AQP9: variants seen among roughly 807,000 people sequenced by gnomAD.
The protein encoded by AQP9 is aquaporin-9.
In AQP9, 19 loss-of-function variants were observed where a neutral mutation model predicts 23.8. The ratio of observed to expected loss-of-function variants is 0.80; its 90% CI spans 0.56 to 1.17. The LOEUF (loss-of-function observed/expected upper bound fraction) is 1.17, where lower values mean the gene tolerates loss of function less well. Among genes scored for constraint, AQP9 ranks in the 50% most tolerant of loss-of-function variants. AQP9 has a pLI of 0.00. For synonymous variants in AQP9, 153 were observed against 131.5 expected, an observed-to-expected ratio of 1.16 and a Z score of -1.12; for missense variants, 413 against 362.0, an observed-to-expected ratio of 1.14 and a Z score of -1.14.
chr15:58,175,376 C>T (rs1409699559), intron 4 of AQP9, among the ~76,000 whole-genome samples: 1 of 152,206 alleles, frequency 6.6e-6, no homozygotes, highest in East Asian at 1.9e-4. Context: ...GTGGAGGCCA[C>T]AAGAGAAGAT....
At chr15:58,171,379 A>C (rs1426957210) in intron 2 of AQP9, among the ~76,000 whole-genome samples, 1 of 152,064 alleles carries the variant, frequency 6.6e-6, no homozygotes, top group African/African-American at 2.4e-5. Context: ...GAGCCACTGC[A>C]CCTGGCCCCG....
intron 1 of AQP9, among the ~76,000 whole-genome samples, chr15:58,160,144 C>T (rs1442815778): frequency 6.6e-6 from 1 of 152,174 alleles, no homozygotes; most frequent in Non-Finnish European, 1.5e-5. Context: ...AAATGTTCCT[C>T]TTTCTCCACA....
In AQP9 at chr15:58,170,155, G is replaced by T. The variant is rs183333548; in HGVS notation, c.239-2913G>T. 6.4e-4 allele frequency among the ~76,000 whole-genome samples: 98 copies of T among 152,242 alleles called. 1 individual carries two copies. Among genetic ancestry groups the T allele is most frequent in the Non-Finnish European group, 1.1e-3 (78 of 68,028 alleles). On this transcript the variant is annotated intron_variant, in intron 2 of 5. Transcript: ENST00000219919. ...CAATACACTGCTCTGCCTTGTCCTT[G>T]TGATAAGCCAGGGTGACCACTCATC... is the stretch of plus-strand genomic sequence containing the variant.
Position 58,184,460 on chromosome 15 carries a change from G to T in AQP9, c.*325G>T. 1 of 228,210 alleles carries T rather than the reference G, an allele frequency of 4.4e-6. No homozygotes were observed. Among genetic ancestry groups the T allele is most frequent in the Non-Finnish European group, 8.6e-6 (1 of 116,758 alleles). 14.1% of individuals were successfully genotyped at this position (228,210 alleles called of 1,614,324 possible). A position where few individuals can be genotyped will look rare whatever the true frequency, so the allele number is the denominator to read the frequency against. ...CGGCATCTTGACGATAGTCCCATTTGGGTGGTTTCAGCTGCACTATCTGTA... is the reference window on the plus strand; with the variant it reads ...CGGCATCTTGACGATAGTCCCATTTTGGTGGTTTCAGCTGCACTATCTGTA... On this transcript the variant is annotated 3_prime_UTR_variant, in exon 6 of 6. Coordinates refer to ENST00000219919, the MANE Select transcript of AQP9 (RefSeq NM_020980.5).
Position 58,143,291 on chromosome 15 carries a change from G to A in AQP9, c.111+4615G>A, listed in dbSNP as rs117185822. Among the ~76,000 whole-genome samples the A allele has an allele frequency of 9.9e-3, 1,510 of 152,318 alleles. 9 individuals carry two copies. The highest frequency in any genetic ancestry group is 0.016 in the Non-Finnish European group (1,103 of 68,026). ...CTTAGATCCTTGCCTTGAAGCAAGAGTTTAAAGACTCGAGGCTGTCTTCTG... is the reference window on the plus strand; with the variant it reads ...CTTAGATCCTTGCCTTGAAGCAAGAATTTAAAGACTCGAGGCTGTCTTCTG... On this transcript the variant is annotated intron_variant, in intron 1 of 5. Transcript: ENST00000219919.
chr15:58,143,904 G>A (rs1470638512), intron 1 of AQP9, among the ~76,000 whole-genome samples: 1 of 152,150 alleles, frequency 6.6e-6, no homozygotes, highest in African/African-American at 2.4e-5. Flanking sequence ...AACTTTATGT[G>A]TATTATAAAA....
intron 1 of AQP9, among the ~76,000 whole-genome samples, chr15:58,159,136 C>T (rs930754411): frequency 6.6e-6 from 1 of 152,184 alleles, no homozygotes; most frequent in Admixed American, 6.5e-5. Flanking sequence ...AATCACTTCA[C>T]CATGTCGGGT....
intron 1 of AQP9, among the ~76,000 whole-genome samples, chr15:58,165,497 T>C (rs1388094004): frequency 4.6e-5 from 7 of 152,314 alleles, no homozygotes; most frequent in Admixed American, 4.6e-4. Context: ...CTGCTGCTTG[T>C]GTATTCATGG....
chr15:58,157,134 T>C (rs182221185), intron 1 of AQP9, among the ~76,000 whole-genome samples: 1 of 152,346 alleles, frequency 6.6e-6, no homozygotes, highest in East Asian at 1.9e-4. Flanking sequence ...ATTTGCATCA[T>C]TTAATGACAA....
At chr15:58,168,024 C>A (rs1898545306) in intron 2 of AQP9, among the ~76,000 whole-genome samples, 1 of 151,874 alleles carries the variant, frequency 6.6e-6, no homozygotes, top group African/African-American at 2.4e-5. Flanking sequence ...CGCACCCTGC[C>A]TGTTTTTTGT....
intron 1 of AQP9, chr15:58,156,105 C>G (rs542945102): frequency 6.6e-6 from 1 of 152,222 alleles, no homozygotes; most frequent in African/African-American, 2.4e-5. Context: ...TCTTGTAAAC[C>G]AGAAATGGGG....
rs1595729381 is a variant in AQP9, at chr15:58,150,108, C to G, written c.111+11432C>G. ...GGTAAGTGAGACCGAACAGGCAACA[C>G]ATATGAGTGATGTGGGCATGGTGGA... On this transcript the variant is annotated intron_variant, in intron 1 of 5. Transcript: ENST00000219919. Among the ~76,000 whole-genome samples the G allele has an allele frequency of 2.0e-5, 3 of 152,314 alleles. 1 individual carries two copies.
At chr15:58,182,100 A>T (rs183402181) in intron 5 of AQP9, among the ~76,000 whole-genome samples, 159 of 152,310 alleles carry the variant, frequency 1.0e-3, no homozygotes, top group African/African-American at 3.5e-3. Flanking sequence ...TGATGAGGGC[A>T]AGAGTCAACA....
At position 58,173,071 on chromosome 15, in the gene AQP9, G is replaced by A. The variant is rs763752290; in HGVS notation, c.242G>A (p.Gly81Asp). 6.2e-7 allele frequency: 1 copy of A among 1,613,840 alleles called. No homozygotes were observed. Among genetic ancestry groups the A allele is most frequent in the East Asian group, 2.2e-5 (1 of 44,872 alleles). ...CTTCTCCAATCTTCCCTTGCAGGTGGTCACATCAACCCAGCTGTGTCTTTA... is the reference window on the plus strand; with the variant it reads ...CTTCTCCAATCTTCCCTTGCAGGTGATCACATCAACCCAGCTGTGTCTTTA... ...AIYVAGGVSG[G>D]HINPAVSLAM... Residue 81 changes from glycine (G) to aspartate (D), a missense_variant, in exon 3 of 6, where the codon GGT (glycine) becomes GAT (aspartate). Physicochemically the swap from Gly to Asp is moderately conservative, Grantham distance 94 (BLOSUM62 -1). Transcript: ENST00000219919.
chr15:58,174,825 C>A, intron 3 of AQP9, 93 bp from the exon 4 acceptor site: 2 of 1,036,442 alleles, frequency 1.9e-6, no homozygotes, highest in South Asian at 1.3e-5. Context: ...CAAGCTCAAT[C>A]TGAGTGACTG....
At chr15:58,165,563 G>T (rs1225954460) in intron 1 of AQP9, among the ~76,000 whole-genome samples, 1 of 152,108 alleles carries the variant, frequency 6.6e-6, no homozygotes, top group Admixed American at 6.5e-5. Flanking sequence ...ACAATTGGCA[G>T]CACGTTTTAG....
At chr15:58,144,683 A>T (rs1387354583) in intron 1 of AQP9, among the ~76,000 whole-genome samples, 5 of 152,162 alleles carry the variant, frequency 3.3e-5, no homozygotes, top group African/African-American at 1.2e-4. Context: ...GCACGAAAAA[A>T]GAGAGGGATG....
At chr15:58,141,417 C>T (rs1208815479) in intron 1 of AQP9, among the ~76,000 whole-genome samples, 1 of 152,318 alleles carries the variant, frequency 6.6e-6, no homozygotes, top group East Asian at 1.9e-4. Flanking sequence ...ATTCTTTTCT[C>T]ACCCTGTCAA....
intron 1 of AQP9, among the ~76,000 whole-genome samples, chr15:58,156,542 T>C (rs1330184120): frequency 6.6e-6 from 1 of 152,142 alleles, no homozygotes. Flanking sequence ...CGCATTTCAG[T>C]CAAGAAACTC....
Sources: allele counts gnomAD v4.1 joint callset (sites outside exome capture counted in the v4.1 genomes callset), GRCh38; gene constraint gnomAD v4.1.1; transcripts MANE v1.5; gene names NCBI Gene and HGNC (gene_info 2026-07-23, HGNC 2026-07-21).